Variants in PBRM1 observed in about 807,000 individuals in gnomAD.
The protein encoded by PBRM1 is protein polybromo-1.
Under a neutral mutation model 194.5 loss-of-function variants are expected in PBRM1, and 27 were observed. The ratio of observed to expected loss-of-function variants is 0.14; its 90% CI spans 0.10 to 0.19. The LOEUF (loss-of-function observed/expected upper bound fraction) is 0.19. PBRM1 is among the 10% of genes least tolerant of loss of function. The pLI, the probability that PBRM1 is intolerant of heterozygous loss-of-function variation, is 1.00. For missense variants in PBRM1, 1,466 were observed against 2,077.2 expected (o/e 0.71, Z 5.72); for synonymous variants, 655 against 693.2 (o/e 0.94, Z 0.87).
chr3:52,561,726 C>A (rs2083587502), intron 25 of PBRM1, 41 bp downstream of exon 27: 9 of 1,554,402 alleles, frequency 5.8e-6, no homozygotes, highest in Non-Finnish European at 7.1e-6. Context: ...CCTGAAACAC[C>A]CCCTTGCTTC....
intron 18 of PBRM1, among the ~76,000 whole-genome samples, chr3:52,588,851 C>T (rs1238215481): frequency 2.6e-5 from 4 of 152,118 alleles, no homozygotes; most frequent in Non-Finnish European, 4.4e-5. Context: ...CCACCGCGCC[C>T]GACCTAGAAG....
At chr3:52,560,201 T>G (rs973048059) in intron 25 of PBRM1, among the ~76,000 whole-genome samples, 1 of 152,300 alleles carries the variant, frequency 6.6e-6, no homozygotes, top group East Asian at 1.9e-4. Context: ...ACCTTCACAG[T>G]GTCTTCAGGT....
chr3:52,615,904 TTAATC>T (rs1191085669), intron 14 of PBRM1, among the ~76,000 whole-genome samples: 1 of 152,222 alleles, frequency 6.6e-6, no homozygotes, highest in Non-Finnish European at 1.5e-5. Context: ...AGTCTGAAGC[TTAATC>T]TATAAAAAAA....
chr3:52,645,318 T>C (rs922403081), intron 7 of PBRM1, among the ~76,000 whole-genome samples: 1 of 151,546 alleles, frequency 6.6e-6, no homozygotes, highest in Non-Finnish European at 1.5e-5. Context: ...ATTCATCTTT[T>C]TTTCTTTCTT....
intron 26 of PBRM1, 22 bp downstream of exon 28, chr3:52,558,227 T>C (rs1236423187): frequency 6.8e-7 from 1 of 1,471,920 alleles, no homozygotes; most frequent in Non-Finnish European, 9.1e-7. Flanking sequence ...TGGAAAAAAA[T>C]GGTCTTAGCT....
At chr3:52,550,459 T>C (rs2153370688) in exon 29 of PBRM1, 1 of 1,546,198 alleles carries the variant, frequency 6.5e-7, no homozygotes, top group Non-Finnish European at 8.7e-7. Context: ...GCTGTTGGAC[T>C]CCGCACTGAG....
intron 3 of PBRM1, among the ~76,000 whole-genome samples, chr3:52,665,806 T>C (rs910505397): frequency 4.6e-5 from 7 of 152,162 alleles, no homozygotes; most frequent in Non-Finnish European, 2.9e-5. Context: ...GCCAAAAAGC[T>C]TGGGGACCAC....
intron 15 of PBRM1, among the ~76,000 whole-genome samples, chr3:52,613,930 A>C (rs1237138541): frequency 6.6e-6 from 1 of 152,232 alleles, no homozygotes; most frequent in African/African-American, 2.4e-5. Context: ...GTTCCTACAA[A>C]GTGGAATGAA....
chr3:52,556,290 A>G (rs1399420238), intron 26 of PBRM1, among the ~76,000 whole-genome samples: 2 of 152,236 alleles, frequency 1.3e-5, no homozygotes, highest in Non-Finnish European at 2.9e-5. Context: ...AAAAATTTGA[A>G]TAATAATCTC....
At chr3:52,558,047 G>A (rs1575569197) in intron 26 of PBRM1, among the ~76,000 whole-genome samples, 2 of 152,294 alleles carry the variant, frequency 1.3e-5, no homozygotes, top group East Asian at 3.9e-4. Flanking sequence ...CCAATTACCA[G>A]GGTTGGGCCC....
At chr3:52,589,677 G>A (rs1210394985) in intron 17 of PBRM1, among the ~76,000 whole-genome samples, 1 of 151,694 alleles carries the variant, frequency 6.6e-6, no homozygotes, top group Non-Finnish European at 1.5e-5. Flanking sequence ...GTTATTACAC[G>A]AATATGACAC....
In PBRM1 at chr3:52,654,132, G is replaced by A. The variant is rs573374397; in HGVS notation, c.646-2322C>T. ...TCTTATCAGATGGGAGAGGTTCAGG[G>A]GAAGTCAGATTGTGCTCTCCCAACT... On this transcript the variant is annotated intron_variant, in intron 5 of 29. Coordinates refer to ENST00000296302, the Ensembl canonical transcript of PBRM1. Among the ~76,000 whole-genome samples, 13 of 152,254 alleles carry A rather than the reference G, an allele frequency of 8.5e-5. No homozygotes were observed. In the South Asian group the frequency reaches 2.5e-3, roughly 29 times the overall value.
At chr3:52,547,522 G>C (rs2079832702), downstream of PBRM1, 1 of 233,544 alleles carries the variant, frequency 4.3e-6, no homozygotes, top group Non-Finnish European at 8.5e-6. Flanking sequence ...GTAAGAAACA[G>C]CTTTTGCAGA....
chr3:52,679,171 A>C (rs2097161906), intron 1 of PBRM1, among the ~76,000 whole-genome samples: 1 of 152,206 alleles, frequency 6.6e-6, no homozygotes, highest in Admixed American at 6.5e-5. Flanking sequence ...CAAATCACCC[A>C]AAATTTTCTT....
intron 11 of PBRM1, among the ~76,000 whole-genome samples, chr3:52,632,069 T>C (rs1339259406): frequency 6.6e-6 from 1 of 152,234 alleles, no homozygotes; most frequent in African/African-American, 2.4e-5. Flanking sequence ...ATTTTAGCTA[T>C]TGTGAATGCT....
chr3:52,648,264 G>A (rs1000440651), intron 7 of PBRM1, 80 bp downstream of exon 8: 110 of 801,410 alleles, frequency 1.4e-4, no homozygotes, highest in Non-Finnish European at 2.1e-4. Flanking sequence ...TCTCAATAAA[G>A]TTGTTTTATA....
chr3:52,581,985 G>A (rs1220611957), intron 20 of PBRM1, among the ~76,000 whole-genome samples: 1 of 152,082 alleles, frequency 6.6e-6, no homozygotes. Context: ...GCTCTCACCT[G>A]TAATCCCAGC....
chr3:52,667,055 G>C (rs1055451575), intron 3 of PBRM1, among the ~76,000 whole-genome samples: 14 of 152,140 alleles, frequency 9.2e-5, no homozygotes, highest in Non-Finnish European at 1.5e-4. Context: ...AGAGAGAATA[G>C]TGTTGGTTAT....
At chr3:52,617,688 C>A in intron 13 of PBRM1, 150 bp from the exon 16 acceptor site, 1 of 599,098 alleles carries the variant, frequency 1.7e-6, no homozygotes, top group Non-Finnish European at 2.8e-6. Flanking sequence ...AGTAACCATG[C>A]TGGAAGTTAT....
Sources: allele counts gnomAD v4.1 joint callset (sites outside exome capture counted in the v4.1 genomes callset), GRCh38; gene constraint gnomAD v4.1.1; transcripts MANE v1.5; gene names NCBI Gene and HGNC (gene_info 2026-07-23, HGNC 2026-07-21).